Variants in AXDND1 observed in about 807,000 individuals in gnomAD.
The protein encoded by AXDND1 is axonemal dynein light chain domain containing 1, also known as axonemal dynein light chain domain-containing protein 1.
In AXDND1, 110 loss-of-function variants were observed where a neutral mutation model predicts 137.5. The observed-to-expected ratio is 0.80, with a 90% confidence interval of 0.69 to 0.94. The LOEUF is 0.94. Among genes scored for constraint, AXDND1 ranks in the 40% least tolerant of loss-of-function variants. The pLI, the probability that AXDND1 is intolerant of heterozygous loss-of-function variation, is 0.00. For synonymous variants in AXDND1, 414 were observed against 399.7 expected (o/e 1.04, Z -0.43); for missense variants, 1,191 against 1,169.8 (o/e 1.02, Z -0.26).
At chr1:179,430,379 C>A in intron 13 of AXDND1, 73 bp from the exon 14 acceptor site, 1 of 1,134,100 alleles carries the variant, frequency 8.8e-7, no homozygotes, top group Non-Finnish European at 1.2e-6. Flanking sequence ...TTAATAATGG[C>A]CTGGTATATG....
At chr1:179,375,499 CATATAATGT>C in intron 4 of AXDND1, among the ~76,000 whole-genome samples, 1 of 150,008 alleles carries the variant, frequency 6.7e-6, no homozygotes, top group Non-Finnish European at 1.5e-5. Flanking sequence ...TAATGTATAA[CATATAATGT>C]ATAATGTATA....
chr1:179,533,966 G>A (rs1671275089), intron 24 of AXDND1, 89 bp downstream of exon 24: 4 of 1,106,782 alleles, frequency 3.6e-6, no homozygotes, highest in South Asian at 1.3e-5. Context: ...GCTTCCCTTT[G>A]GCTCTCCTGC....
At chr1:179,505,525 T>C (rs1021832032) in intron 20 of AXDND1, among the ~76,000 whole-genome samples, 4 of 151,608 alleles carry the variant, frequency 2.6e-5, no homozygotes, top group Non-Finnish European at 5.9e-5. Flanking sequence ...TGGTAGTGGG[T>C]GCCTCCAAGC....
intron 4 of AXDND1, 73 bp downstream of exon 4, chr1:179,370,151 A>G (rs1667898498): frequency 3.3e-6 from 4 of 1,198,024 alleles, no homozygotes; most frequent in Middle Eastern, 2.0e-4. Flanking sequence ...TTACCTTGGG[A>G]GGGGCAGAAT....
In AXDND1 at chr1:179,370,193, T is replaced by A. The variant is rs1347000828; in HGVS notation, c.374+115T>A. 4 of 818,808 alleles carry A rather than the reference T, an allele frequency of 4.9e-6. No homozygotes were observed. The African/African-American group carries it at 6.8e-5, about 14-fold the overall frequency. 50.7% of individuals were successfully genotyped at this position (818,808 alleles called of 1,614,324 possible). ...AATCACTGAATCATAGATGATAAAA[T>A]TTACAGTATCTTTGAATCAGAATAC... On this transcript the variant is annotated intron_variant, in intron 4 of 25. Coordinates refer to ENST00000367618, the MANE Select transcript of AXDND1 (RefSeq NM_144696.6).
intron 20 of AXDND1, among the ~76,000 whole-genome samples, chr1:179,508,713 AT>A (rs201410478): frequency 5.2e-4 from 77 of 147,676 alleles, no homozygotes; most frequent in East Asian, 5.9e-4. Flanking sequence ...CAGTAGAGGG[AT>A]TTTTTTTTTT....
At chr1:179,485,212 G>C (rs779546828) in intron 18 of AXDND1, among the ~76,000 whole-genome samples, 3 of 152,194 alleles carry the variant, frequency 2.0e-5, no homozygotes, top group Non-Finnish European at 4.4e-5. Flanking sequence ...CACTGCTGCT[G>C]CTCCTGGCAT....
chr1:179,420,509 A>G (rs1418634267), intron 12 of AXDND1, among the ~76,000 whole-genome samples: 3 of 152,008 alleles, frequency 2.0e-5, no homozygotes, highest in African/African-American at 7.3e-5. Flanking sequence ...TGTTGAATTG[A>G]TATTAGTTCT....
Position 179,393,993 on chromosome 1 carries a change from C to G in AXDND1, c.954C>G (p.Arg318=), listed in dbSNP as rs1200371918. ...DLVTQRVMDQ[R]ILEELYNFKH... ...TAACTCAGCGAGTGATGGACCAGCG[C>G]ATTTTAGAAGAATTGTATAATTTCA... The change falls in exon 10 of 26, where the codon CGC becomes CGG. Residue 318 remains arginine, a synonymous_variant. Coordinates refer to ENST00000367618, the MANE Select transcript of AXDND1 (RefSeq NM_144696.6). 1 of 1,610,438 alleles carries G rather than the reference C, an allele frequency of 6.2e-7. No individual in the cohort carries two copies. Among genetic ancestry groups the G allele is most frequent in the Middle Eastern group, 1.7e-4 (1 of 6,048 alleles).
intron 3 of AXDND1, 126 bp downstream of exon 3, chr1:179,369,098 A>G (rs936982839): frequency 5.1e-5 from 50 of 973,402 alleles, no homozygotes; most frequent in Admixed American, 1.1e-4. Flanking sequence ...ATTGATTGAG[A>G]CAGGGTCTTA....
intron 25 of AXDND1, among the ~76,000 whole-genome samples, chr1:179,541,180 C>T (rs528347172): frequency 6.6e-5 from 10 of 152,300 alleles, no homozygotes; most frequent in Middle Eastern, 3.4e-3. Flanking sequence ...GCGAAGACCA[C>T]GGGAAAAGCA....
chr1:179,429,627 T>A lies in AXDND1; in HGVS notation c.1332+8T>A, dbSNP rs529680916. ...ATACTGCTATCAAACAAGGTAAAGGTCAATTATCTTCAGTTATGGGAAAAA... is the reference window on the plus strand; with the variant it reads ...ATACTGCTATCAAACAAGGTAAAGGACAATTATCTTCAGTTATGGGAAAAA... On this transcript the variant is annotated splice_region_variant and intron_variant, in intron 13 of 25. Transcript: ENST00000367618. 1.8e-4 allele frequency: 268 copies of A among 1,498,396 alleles called. 1 individual carries two copies. The South Asian group carries it at 3.2e-3, about 18-fold the overall frequency. 92.8% of individuals were successfully genotyped at this position (1,498,396 alleles called of 1,614,324 possible). A position where few individuals can be genotyped will look rare whatever the true frequency, so the allele number is the denominator to read the frequency against.
intron 11 of AXDND1, 130 bp downstream of exon 11, chr1:179,395,332 G>C (rs892035301): frequency 1.5e-6 from 1 of 658,730 alleles, no homozygotes; most frequent in South Asian, 3.0e-5. Flanking sequence ...TACTTTATCT[G>C]AATTTAGTTG....
At chr1:179,421,093 C>G (rs919552370) in intron 12 of AXDND1, among the ~76,000 whole-genome samples, 3 of 110,664 alleles carry the variant, frequency 2.7e-5, no homozygotes, top group African/African-American at 1.1e-4. Context: ...TCCTTCCTTC[C>G]TTTCTTCCTT....
At position 179,432,329 on chromosome 1, in the gene AXDND1, A is replaced by G. The variant is rs771940381; in HGVS notation, c.1550A>G (p.Lys517Arg). Residue 517 changes from lysine (K) to arginine (R), a missense_variant, in exon 15 of 26, where the codon AAA becomes AGA. Physicochemically the swap from Lys to Arg is conservative, Grantham distance 26. Transcript: ENST00000367618. ...TTTAATTCAGTTCTTTTAGACTTCA[A>G]ACAGTGGCAGAAGGTAAGACTTTTT... ...NIFNSVLLDF[K>R]QWQKILNEKK... is the part of the protein sequence containing the mutation. 1.3e-6 allele frequency: 2 copies of G among 1,574,848 alleles called. No homozygotes were observed. The highest frequency in any genetic ancestry group is 1.4e-5 in the African/African-American group (1 of 73,480).
At position 179,457,970 on chromosome 1, in the gene AXDND1, C is replaced by G. The variant is rs572032512; in HGVS notation, c.1799-10473C>G. ...ATCATGGGCTGATTTTCTCTTTTTT[C>G]TTTTCTTTTCTTTCCTTCTCTTTTT... On this transcript the variant is annotated intron_variant, in intron 16 of 25. Coordinates refer to ENST00000367618, the MANE Select transcript of AXDND1 (RefSeq NM_144696.6). 5.4e-5 allele frequency among the ~76,000 whole-genome samples: 8 copies of G among 148,224 alleles called. No homozygotes were observed. In the South Asian group the frequency reaches 1.5e-3, roughly 28 times the overall value.
At chr1:179,395,683 G>T (rs770652184) in intron 11 of AXDND1, among the ~76,000 whole-genome samples, 2 of 152,146 alleles carry the variant, frequency 1.3e-5, no homozygotes, top group Non-Finnish European at 2.9e-5. Context: ...TATAGTCAGT[G>T]CTATGACAAT....
At chr1:179,544,184 G>A (rs1030930753) in intron 25 of AXDND1, 11 of 152,270 alleles carry the variant, frequency 7.2e-5, no homozygotes, top group Non-Finnish European at 1.6e-4. Context: ...TCACAGCGAT[G>A]GCTGTAGGGA....
chr1:179,525,423 G>C lies in AXDND1; in HGVS notation c.2586G>C (p.Glu862Asp), dbSNP rs756436073. The C allele has an allele frequency of 6.2e-7, 1 of 1,610,804 alleles. No homozygotes were observed. Among genetic ancestry groups the C allele is most frequent in the Admixed American group, 1.7e-5 (1 of 59,730 alleles). The change falls in exon 22 of 26, where the codon GAG (glutamate) becomes GAC (aspartate). Residue 862 changes from glutamate to aspartate, a missense_variant. By Grantham distance (45) the Glu-to-Asp change is conservative. Coordinates refer to ENST00000367618, the MANE Select transcript of AXDND1 (RefSeq NM_144696.6). ...GTAAGGAGGATAGGAAACTTCAGGA[G>C]GAAAATAAAGAGAGAGCAGAAGAAG... Reference protein sequence around the residue: ...EESKEDRKLQEENKERAEEQP... With the variant: ...EESKEDRKLQDENKERAEEQP...
Sources: gnomAD v4.1 joint callset for allele counts (sites outside exome capture counted in the v4.1 genomes callset) on GRCh38, gnomAD v4.1.1 for gene constraint, MANE v1.5 for transcripts, NCBI Gene and HGNC (gene_info 2026-07-23, HGNC 2026-07-21) for gene names.